CALN1: variants seen among roughly 807,000 people sequenced by gnomAD.
CALN1 encodes the protein calneuron 1, also known as calcium-binding protein 8.
A neutral mutation model predicts 30.6 loss-of-function variants in CALN1; 17 were observed. The observed-to-expected ratio is 0.56, with a 90% confidence interval of 0.38 to 0.83. The LOEUF (loss-of-function observed/expected upper bound fraction) is 0.83. CALN1 is among the 40% of genes least tolerant of loss of function. The pLI is 0.00. For synonymous variants in CALN1, 156 were observed against 131.4 expected (o/e 1.19, Z -1.28); for missense variants, 291 against 354.9 (o/e 0.82, Z 1.45).
intron 2 of CALN1, among the ~76,000 whole-genome samples, chr7:72,335,839 C>A (rs1801989070): frequency 6.6e-6 from 1 of 152,190 alleles, no homozygotes; most frequent in Admixed American, 6.5e-5. Context: ...TACCCCCAGC[C>A]CGTCTGGATG....
intron 3 of CALN1, among the ~76,000 whole-genome samples, chr7:72,180,093 G>A (rs1008138680): frequency 2.0e-5 from 3 of 152,086 alleles, no homozygotes; most frequent in Admixed American, 1.3e-4. Context: ...TTGACTTGTC[G>A]CAGAAACCGT....
At chr7:72,212,349 C>CA (rs35123942) in intron 3 of CALN1, among the ~76,000 whole-genome samples, 20,258 of 96,336 alleles carry the variant, frequency 0.21, 2,123 homozygotes, top group Middle Eastern at 0.25. Context: ...CACACCGTCT[C>CA]AAAAAAAAAA....
At chr7:72,247,502 G>A (rs13236492) in intron 3 of CALN1, among the ~76,000 whole-genome samples, 52,530 of 151,298 alleles carry the variant, frequency 0.35, 10,193 homozygotes, top group Middle Eastern at 0.53. Flanking sequence ...TGATCTGCCC[G>A]CCTCAGCCTC....
At chr7:72,388,785 G>A (rs1192352355) in intron 2 of CALN1, among the ~76,000 whole-genome samples, 1 of 152,174 alleles carries the variant, frequency 6.6e-6, no homozygotes, top group African/African-American at 2.4e-5. Flanking sequence ...TCTCCAGGGG[G>A]ATGTGTCTTG....
At chr7:72,363,869 C>T (rs1008106113) in intron 2 of CALN1, among the ~76,000 whole-genome samples, 16 of 150,198 alleles carry the variant, frequency 1.1e-4, no homozygotes, top group Admixed American at 8.6e-4. Context: ...CAAGTAGCTG[C>T]GATTACAGGC....
Position 72,409,299 on chromosome 7 carries a change from T to C in CALN1, c.-74+2759A>G, listed in dbSNP as rs371505425. ...AGAAGCCACTGCACCTGGCCCAGCA[T>C]ACTCTTAAATGGACCTCTGTGCTTG... On this transcript the variant is annotated intron_variant, in intron 1 of 6. Coordinates refer to ENST00000395275, the MANE Select transcript of CALN1 (RefSeq NM_031468.4). 1.7e-4 allele frequency among the ~76,000 whole-genome samples: 26 copies of C among 151,916 alleles called. 1 individual carries two copies. The South Asian group carries it at 2.9e-3, about 17-fold the overall frequency.
intron 4 of CALN1, among the ~76,000 whole-genome samples, chr7:72,025,917 C>T (rs1229790842): frequency 1.3e-5 from 2 of 152,020 alleles, no homozygotes; most frequent in Non-Finnish European, 2.9e-5. Context: ...GGAACAGATC[C>T]CAGCAGAGGT....
At chr7:72,067,074 C>T (rs1239235509) in intron 4 of CALN1, among the ~76,000 whole-genome samples, 1 of 152,044 alleles carries the variant, frequency 6.6e-6, no homozygotes, top group East Asian at 1.9e-4. Flanking sequence ...CAGGTGTGAG[C>T]CACCACGCCC....
At chr7:72,246,818 A>T (rs1056194217) in intron 3 of CALN1, among the ~76,000 whole-genome samples, 2 of 139,286 alleles carry the variant, frequency 1.4e-5, no homozygotes, top group Non-Finnish European at 3.0e-5. Flanking sequence ...GCTGTGGCGC[A>T]ATCTCAGCTC....
At chr7:72,395,946 A>G (rs549321056) in intron 2 of CALN1, among the ~76,000 whole-genome samples, 16 of 152,166 alleles carry the variant, frequency 1.1e-4, no homozygotes, top group Non-Finnish European at 2.1e-4. Flanking sequence ...CCAAATATAT[A>G]TATTTTAACT....
intron 4 of CALN1, among the ~76,000 whole-genome samples, chr7:72,099,724 T>C (rs1806508728): frequency 6.6e-6 from 1 of 152,218 alleles, no homozygotes; most frequent in South Asian, 2.1e-4. Flanking sequence ...GATTTTGTAC[T>C]AAATCTTTTG....
At chr7:72,088,737 G>A (rs1455721481) in intron 4 of CALN1, among the ~76,000 whole-genome samples, 1 of 148,988 alleles carries the variant, frequency 6.7e-6, no homozygotes, top group Non-Finnish European at 1.5e-5. Context: ...AAAGAAGAAG[G>A]AAGGAAGGGA....
intron 3 of CALN1, among the ~76,000 whole-genome samples, chr7:72,161,495 A>G (rs1204691734): frequency 6.6e-6 from 1 of 152,160 alleles, no homozygotes; most frequent in Non-Finnish European, 1.5e-5. Context: ...AAAAAATTCT[A>G]TTTGCTTAAG....
At chr7:72,325,003 G>A (rs1043854548) in intron 2 of CALN1, among the ~76,000 whole-genome samples, 9 of 151,998 alleles carry the variant, frequency 5.9e-5, no homozygotes, top group South Asian at 2.1e-4. Context: ...GAATTTCAGC[G>A]TTTACTTAAA....
At chr7:72,297,552 A>C (rs1406367754) in intron 2 of CALN1, among the ~76,000 whole-genome samples, 1 of 152,222 alleles carries the variant, frequency 6.6e-6, no homozygotes, top group East Asian at 1.9e-4. Flanking sequence ...GGATTTTTTT[A>C]GCGAAAACAA....
chr7:71,920,095 T>C (rs1387824410), intron 5 of CALN1, among the ~76,000 whole-genome samples: 2 of 152,182 alleles, frequency 1.3e-5, no homozygotes, highest in Non-Finnish European at 2.9e-5. Context: ...ACAAGCTGTT[T>C]AAAGGATTGC....
rs1213575301 is a variant in CALN1, at chr7:71,781,745, C to A, written c.*6030G>T. On this transcript the variant is annotated 3_prime_UTR_variant, in exon 7 of 7. Coordinates refer to ENST00000395275, the MANE Select transcript of CALN1 (RefSeq NM_031468.4). ...CGAGAAACACTAGTTTGAAAGCCAA[C>A]CCATCACACCTGAGGAAAAGAGATG... 2 of 152,196 alleles carry A rather than the reference C, an allele frequency of 1.3e-5. No homozygotes were observed. Among genetic ancestry groups the A allele is most frequent in the African/African-American group, 4.8e-5 (2 of 41,450 alleles). 9.4% of individuals were successfully genotyped at this position (152,196 alleles called of 1,614,324 possible). A position where few individuals can be genotyped will look rare whatever the true frequency, so the allele number is the denominator to read the frequency against.
intron 4 of CALN1, among the ~76,000 whole-genome samples, chr7:72,028,308 G>A (rs973283237): frequency 5.9e-5 from 9 of 152,140 alleles, no homozygotes; most frequent in African/African-American, 1.9e-4. Flanking sequence ...TGCAGGGAGC[G>A]CAGCAGTTTG....
chr7:71,941,492 T>C (rs572899776), intron 5 of CALN1, among the ~76,000 whole-genome samples: 1 of 152,090 alleles, frequency 6.6e-6, no homozygotes, highest in Non-Finnish European at 1.5e-5. Context: ...GTATCAAAAA[T>C]GAACAAAATA....
Sources: allele counts gnomAD v4.1 joint callset (sites outside exome capture counted in the v4.1 genomes callset), GRCh38; gene constraint gnomAD v4.1.1; transcripts MANE v1.5; gene names NCBI Gene and HGNC (gene_info 2026-07-23, HGNC 2026-07-21).